GNPTAB: variants seen among roughly 807,000 people sequenced by gnomAD.
The protein encoded by GNPTAB is N-acetylglucosamine-1-phosphotransferase subunits alpha/beta.
In GNPTAB, 92 loss-of-function variants were observed where a neutral mutation model predicts 136.6. The ratio of observed to expected loss-of-function variants is 0.67; its 90% CI spans 0.57 to 0.80. The LOEUF (loss-of-function observed/expected upper bound fraction) is 0.80. Among genes scored for constraint, GNPTAB ranks in the 30% least tolerant of loss-of-function variants. GNPTAB has a pLI of 0.00. For synonymous variants in GNPTAB, 512 were observed against 535.1 expected, an observed-to-expected ratio of 0.96 and a Z score of 0.60; for missense variants, 1,343 against 1,501.8, an observed-to-expected ratio of 0.89 and a Z score of 1.75.
intron 7 of GNPTAB, 156 bp downstream of exon 7, chr12:101,779,996 A>T: frequency 1.3e-6 from 1 of 754,580 alleles, no homozygotes; most frequent in South Asian, 1.6e-5. Flanking sequence ...GCCCAAATTA[A>T]AAGTAAGGAG....
chr12:101,830,711 T>C lies in GNPTAB; in HGVS notation c.-36A>G. 7.6e-7 allele frequency: 1 copy of C among 1,314,840 alleles called. No individual in the cohort carries two copies. The highest frequency in any genetic ancestry group is 1.0e-6 in the Non-Finnish European group (1 of 957,148). 81.4% of individuals were successfully genotyped at this position (1,314,840 alleles called of 1,614,324 possible). A position where few individuals can be genotyped will look rare whatever the true frequency, so the allele number is the denominator to read the frequency against. ...CCGCCACGCCACGCCCCGAGGAGCC[T>C]GAGCCGCCGCCGCCGCCGCCGCCGC... is the stretch of plus-strand genomic sequence containing the variant. On this transcript the variant is annotated 5_prime_UTR_variant, in exon 1 of 21. Coordinates refer to ENST00000299314, the MANE Select transcript of GNPTAB (RefSeq NM_024312.5).
At chr12:101,774,447 C>T (rs1231571195) in intron 7 of GNPTAB, among the ~76,000 whole-genome samples, 2 of 152,130 alleles carry the variant, frequency 1.3e-5, no homozygotes, top group Non-Finnish European at 2.9e-5. Context: ...ACTTCACAAA[C>T]TTCTAGATAT....
chr12:101,767,984 A>T (rs1183076787), intron 11 of GNPTAB, 53 bp downstream of exon 11: 1 of 1,573,606 alleles, frequency 6.4e-7, no homozygotes, highest in South Asian at 1.1e-5. Context: ...AATAATGATT[A>T]AGAAGAAAAT....
chr12:101,775,078 A>G (rs377549952), intron 7 of GNPTAB, among the ~76,000 whole-genome samples: 117 of 152,328 alleles, frequency 7.7e-4, no homozygotes, highest in African/African-American at 2.7e-3. Context: ...CCCCAAGGAT[A>G]GCGGCAACAG....
At chr12:101,755,177 C>T (rs1387742190) in intron 18 of GNPTAB, among the ~76,000 whole-genome samples, 3 of 152,076 alleles carry the variant, frequency 2.0e-5, no homozygotes, top group Non-Finnish European at 4.4e-5. Context: ...GTTTGAGATT[C>T]ACTTAATATT....
Position 101,830,693 on chromosome 12 carries a change from GC to G in GNPTAB, c.-19del. 6.8e-7 allele frequency: 1 copy of G among 1,466,756 alleles called. No individual in the cohort carries two copies. The highest frequency in any genetic ancestry group is 2.3e-5 in the East Asian group (1 of 42,834). The allele number at this position is 1,466,756 out of a possible 1,614,324, so 90.9% of individuals were successfully genotyped here. ...AACAGCATCACCCCTTCACCGCCAC[GC>G]CACGCCCCGAGGAGCCTGAGCCGCC... is the stretch of plus-strand genomic sequence containing the variant. On this transcript the variant is annotated 5_prime_UTR_variant, in exon 1 of 21. Transcript: ENST00000299314.
chr12:101,801,539 CA>C (rs36066248), intron 1 of GNPTAB, among the ~76,000 whole-genome samples: 550 of 42,574 alleles, frequency 0.013, no homozygotes, highest in Non-Finnish European at 0.022. Flanking sequence ...GACCCTGTCT[CA>C]AAAAAAAAAA....
At chr12:101,788,922 C>T (rs979807046) in intron 3 of GNPTAB, among the ~76,000 whole-genome samples, 10 of 152,188 alleles carry the variant, frequency 6.6e-5, no homozygotes, top group South Asian at 2.1e-4. Context: ...TCCAGAAGTC[C>T]GCTGTAACTT....
rs113973328 is a variant in GNPTAB, at chr12:101,803,628, C to T, written c.118-6866G>A. Among the ~76,000 whole-genome samples, 6 of 152,124 alleles carry T rather than the reference C, an allele frequency of 3.9e-5. No homozygotes were observed. The East Asian group carries it at 7.7e-4, about 19-fold the overall frequency. ...TGGCTACCCTCTTTGGATTCTCTAC[C>T]GCAATAGACACACAACATAACAGAT... On this transcript the variant is annotated intron_variant, in intron 1 of 20. Transcript: ENST00000299314.
chr12:101,758,991 G>A (rs1952946493), intron 16 of GNPTAB, among the ~76,000 whole-genome samples: 2 of 152,286 alleles, frequency 1.3e-5, no homozygotes, highest in South Asian at 4.1e-4. Flanking sequence ...TGTTGTATAT[G>A]TACTTGGAGG....
At chr12:101,822,147 C>T (rs941296889) in intron 1 of GNPTAB, among the ~76,000 whole-genome samples, 9 of 152,220 alleles carry the variant, frequency 5.9e-5, no homozygotes, top group African/African-American at 1.4e-4. Context: ...GGCGCGGTGG[C>T]TCACGCCTGT....
intron 5 of GNPTAB, among the ~76,000 whole-genome samples, chr12:101,782,979 A>G (rs1015886733): frequency 1.3e-5 from 2 of 151,706 alleles, no homozygotes; most frequent in Non-Finnish European, 2.9e-5. Context: ...TGTCCCTACC[A>G]TCCAAATTAG....
intron 1 of GNPTAB, among the ~76,000 whole-genome samples, chr12:101,808,042 A>C (rs1870023549): frequency 6.6e-6 from 1 of 152,180 alleles, no homozygotes; most frequent in African/African-American, 2.4e-5. Flanking sequence ...ATGCGTAGGC[A>C]TAACTCTAAC....
intron 1 of GNPTAB, among the ~76,000 whole-genome samples, chr12:101,823,351 T>C (rs1279275205): frequency 6.6e-6 from 1 of 152,180 alleles, no homozygotes; most frequent in Non-Finnish European, 1.5e-5. Context: ...GGCTTATGTC[T>C]GTAATCCCAG....
chr12:101,823,214 T>C (rs545440863), intron 1 of GNPTAB, among the ~76,000 whole-genome samples: 4 of 152,162 alleles, frequency 2.6e-5, no homozygotes, highest in Non-Finnish European at 5.9e-5. Context: ...AACGGAAAAG[T>C]GCCATGATGA....
intron 13 of GNPTAB, 151 bp from the exon 14 acceptor site, chr12:101,761,914 C>T (rs1953003681): frequency 8.9e-6 from 6 of 675,992 alleles, no homozygotes; most frequent in Admixed American, 2.3e-5. Context: ...CTTTAAGGAT[C>T]TAAACTGGAC....
intron 7 of GNPTAB, among the ~76,000 whole-genome samples, chr12:101,774,425 C>T (rs1425124074): frequency 6.6e-6 from 1 of 152,144 alleles, no homozygotes; most frequent in Non-Finnish European, 1.5e-5. Context: ...AACCAGATTT[C>T]AAGTGCTTGA....
intron 9 of GNPTAB, 30 bp from the exon 10 acceptor site, chr12:101,770,221 G>A (rs775526062): frequency 2.5e-6 from 4 of 1,609,916 alleles, no homozygotes; most frequent in Admixed American, 3.3e-5. Flanking sequence ...AAAAAAGAGA[G>A]TGAATGAGAG....
At chr12:101,755,730 C>T (rs563838545) in intron 18 of GNPTAB, among the ~76,000 whole-genome samples, 5 of 152,250 alleles carry the variant, frequency 3.3e-5, no homozygotes, top group East Asian at 1.9e-4. Context: ...AATAAGCCTT[C>T]GTCGAAATAA....
Sources: gnomAD v4.1 joint callset for allele counts (sites outside exome capture counted in the v4.1 genomes callset) on GRCh38, gnomAD v4.1.1 for gene constraint, MANE v1.5 for transcripts, NCBI Gene and HGNC (gene_info 2026-07-23, HGNC 2026-07-21) for gene names.